UBE2U: variants seen among roughly 807,000 people sequenced by gnomAD.
The protein encoded by UBE2U is ubiquitin conjugating enzyme E2 U.
In UBE2U, 39 loss-of-function variants were observed where a neutral mutation model predicts 41.2. That is an observed-to-expected ratio of 0.95 (90% CI 0.73 to 1.24). The LOEUF (loss-of-function observed/expected upper bound fraction) is 1.24. Among genes scored for constraint, UBE2U ranks in the 50% most tolerant of loss-of-function variants. The probability of loss-of-function intolerance (pLI) is 0.00; values close to 1 mark genes in which losing one functional copy is unlikely to be tolerated. For missense variants in UBE2U, 336 were observed against 363.1 expected (o/e 0.93, Z 0.61); for synonymous variants, 107 against 117.8 (o/e 0.91, Z 0.60).
intron 3 of UBE2U, among the ~76,000 whole-genome samples, chr1:64,208,242 C>T (rs1391790807): frequency 1.3e-5 from 2 of 152,034 alleles, no homozygotes; most frequent in East Asian, 1.9e-4. Flanking sequence ...CCTAAATTCC[C>T]GTAATACCAT....
chr1:64,211,773 C>T (rs1651679726), intron 4 of UBE2U, among the ~76,000 whole-genome samples: 2 of 152,150 alleles, frequency 1.3e-5, no homozygotes, highest in African/African-American at 4.8e-5. Flanking sequence ...TTAAAAATGC[C>T]TCCTTTCTCA....
intron 3 of UBE2U, among the ~76,000 whole-genome samples, chr1:64,209,510 G>A (rs1231260488): frequency 6.6e-6 from 1 of 152,006 alleles, no homozygotes; most frequent in East Asian, 1.9e-4. Flanking sequence ...TAAATCAGGG[G>A]GACTTTTGTG....
At chr1:64,209,329 C>T (rs1440517780) in intron 3 of UBE2U, among the ~76,000 whole-genome samples, 5 of 151,042 alleles carry the variant, frequency 3.3e-5, no homozygotes, top group Non-Finnish European at 5.9e-5. Context: ...CTTTTTTTTT[C>T]CCCCATCACT....
chr1:64,258,742 T>C (rs1034498661), intron 8 of UBE2U, among the ~76,000 whole-genome samples: 7 of 152,244 alleles, frequency 4.6e-5, no homozygotes, highest in African/African-American at 9.6e-5. Flanking sequence ...TTGGGTTGGT[T>C]CCAAGTCTTT....
intron 6 of UBE2U, 112 bp downstream of exon 6, chr1:64,221,019 C>T: frequency 1.5e-6 from 1 of 658,408 alleles, no homozygotes; most frequent in Non-Finnish European, 2.4e-6. Context: ...TTAGAAACAT[C>T]TTATAATATC....
chr1:64,252,949 G>T (rs1276665341), intron 8 of UBE2U, among the ~76,000 whole-genome samples: 1 of 152,180 alleles, frequency 6.6e-6, no homozygotes, highest in East Asian at 1.9e-4. Flanking sequence ...CAGAAGGTGG[G>T]TTATAACAAA....
At chr1:64,240,887 G>A (rs1319974542) in intron 7 of UBE2U, among the ~76,000 whole-genome samples, 1 of 151,974 alleles carries the variant, frequency 6.6e-6, no homozygotes, top group Non-Finnish European at 1.5e-5. Flanking sequence ...GTCCCACCAC[G>A]CCTGGCTAAT....
intron 9 of UBE2U, among the ~76,000 whole-genome samples, chr1:64,263,882 C>T (rs1557753948): frequency 3.3e-5 from 5 of 152,204 alleles, no homozygotes; most frequent in Admixed American, 3.3e-4. Context: ...TCCCCATGAA[C>T]TCATTGTTTT....
At chr1:64,247,901 C>A (rs1644947321) in intron 8 of UBE2U, among the ~76,000 whole-genome samples, 1 of 151,456 alleles carries the variant, frequency 6.6e-6, no homozygotes, top group Admixed American at 6.6e-5. Context: ...GACATTTCCC[C>A]TCCCTCTCTT....
At chr1:64,246,542 G>T (rs1051586032) in intron 8 of UBE2U, among the ~76,000 whole-genome samples, 1 of 152,044 alleles carries the variant, frequency 6.6e-6, no homozygotes, top group Non-Finnish European at 1.5e-5. Flanking sequence ...GTTAACAAGT[G>T]AATTAGCATT....
At chr1:64,235,232 T>A (rs577695425) in intron 7 of UBE2U, among the ~76,000 whole-genome samples, 107 of 152,330 alleles carry the variant, frequency 7.0e-4, no homozygotes, top group African/African-American at 2.6e-3. Context: ...CATCCCTGTT[T>A]GTAAAGGTAA....
chr1:64,239,153 G>GAA lies in UBE2U; in HGVS notation c.596-2498_596-2497dup, dbSNP rs1557730850. Among the ~76,000 whole-genome samples, 20 of 27,990 alleles carry GAA rather than the reference G, an allele frequency of 7.1e-4. 1 individual carries two copies. Among genetic ancestry groups the GAA allele is most frequent in the East Asian group, 4.8e-3 (2 of 416 alleles). 18.4% of individuals were successfully genotyped at this position (27,990 alleles called of 152,430 possible). On this transcript the variant is annotated intron_variant, in intron 7 of 9. Coordinates refer to ENST00000371077, the MANE Select transcript of UBE2U (RefSeq NM_001366232.2). ...AGAAGAAGAAGAAGAAGAAGAAGAA[G>GAA]AAGAAAGAAGAAGAAGAAGAAGAAG...
chr1:64,208,039 TTATC>T (rs1651411785), intron 3 of UBE2U, among the ~76,000 whole-genome samples: 1 of 152,120 alleles, frequency 6.6e-6, no homozygotes, highest in Non-Finnish European at 1.5e-5. Context: ...CATAAAAAGA[TTATC>T]AATCTCACTA....
At chr1:64,206,417 G>A (rs992826588) in intron 2 of UBE2U, among the ~76,000 whole-genome samples, 11 of 151,646 alleles carry the variant, frequency 7.3e-5, no homozygotes, top group Admixed American at 2.0e-4. Context: ...AAGGAAATTC[G>A]GGCAGAGTAA....
chr1:64,264,913 G>A (rs12128574), intron 9 of UBE2U, among the ~76,000 whole-genome samples: 33,834 of 151,860 alleles, frequency 0.22, 3,971 homozygotes, highest in Middle Eastern at 0.35. Flanking sequence ...GCACGCCACC[G>A]CACTCCAGCC....
chr1:64,253,170 T>G (rs1475632004), intron 8 of UBE2U, among the ~76,000 whole-genome samples: 2 of 152,054 alleles, frequency 1.3e-5, no homozygotes, highest in Non-Finnish European at 2.9e-5. Context: ...TTTCAGAGCT[T>G]GAAGTCTATC....
At chr1:64,262,838 C>T (rs1472449504) in intron 9 of UBE2U, among the ~76,000 whole-genome samples, 2 of 152,046 alleles carry the variant, frequency 1.3e-5, no homozygotes, top group African/African-American at 2.4e-5. Context: ...GGAGTCTGTC[C>T]GGCACACATG....
chr1:64,266,974 T>G, intron 9 of UBE2U, 50 bp from the exon 10 acceptor site: 1 of 1,482,818 alleles, frequency 6.7e-7, no homozygotes, highest in Non-Finnish European at 9.1e-7. Flanking sequence ...TTTTTATTGT[T>G]TTTCTTATTA....
chr1:64,223,047 C>T (rs1040099639), intron 6 of UBE2U, among the ~76,000 whole-genome samples: 13 of 152,086 alleles, frequency 8.5e-5, no homozygotes, highest in East Asian at 3.9e-4. Context: ...AGGTTTTCAG[C>T]CCTTGGGAGA....
Sources: gnomAD v4.1 joint callset for allele counts (sites outside exome capture counted in the v4.1 genomes callset) on GRCh38, gnomAD v4.1.1 for gene constraint, MANE v1.5 for transcripts, NCBI Gene and HGNC (gene_info 2026-07-23, HGNC 2026-07-21) for gene names.